The following NCL variants were observed in gnomAD, a reference collection of about 807,000 sequenced individuals.
The protein encoded by NCL is nucleolin multifunctional protein.
NCL carries 4 observed loss-of-function variants against 77.7 expected under a neutral mutation model. That is an observed-to-expected ratio of 0.05 (90% CI 0.03 to 0.12). The LOEUF is 0.12. Ranked by LOEUF, NCL falls within the 10% of genes least tolerant of loss-of-function variation. The pLI, the probability that NCL is intolerant of heterozygous loss-of-function variation, is 1.00. For synonymous variants in NCL, 344 were observed against 297.8 expected, an observed-to-expected ratio of 1.16 and a Z score of -1.60; for missense variants, 763 against 860.9, an observed-to-expected ratio of 0.89 and a Z score of 1.42.
intron 6 of NCL, among the ~76,000 whole-genome samples, chr2:231,459,661 C>T (rs907264142): frequency 2.6e-5 from 4 of 152,008 alleles, no homozygotes; most frequent in African/African-American, 9.7e-5. Flanking sequence ...AATCCCAGCA[C>T]TTCGAGAGGC....
chr2:231,454,177 G>T lies in NCL; in HGVS notation c.*1014C>A, dbSNP rs1004595372. On this transcript the variant is annotated 3_prime_UTR_variant, in exon 14 of 14. Coordinates refer to ENST00000322723, the MANE Select transcript of NCL (RefSeq NM_005381.3). The stretch of plus-strand genomic sequence containing the variant: ...TCCAGAACTGCTTTTTGGGAGATGG[G>T]AGTCTCGCTTTGTTACCCAGCCTGG... 1 of 152,230 alleles carries T rather than the reference G, an allele frequency of 6.6e-6. No individual in the cohort carries two copies. The highest frequency in any genetic ancestry group is 1.5e-5 in the Non-Finnish European group (1 of 68,096). 9.4% of individuals were successfully genotyped at this position (152,230 alleles called of 1,614,324 possible).
Position 231,463,252 on chromosome 2 carries a change from C to G in NCL, c.83G>C (p.Ser28Thr). The G allele has an allele frequency of 6.2e-7, 1 of 1,612,682 alleles. No homozygotes were observed. Among genetic ancestry groups the G allele is most frequent in the Non-Finnish European group, 8.5e-7 (1 of 1,179,788 alleles). The change falls in exon 2 of 14, where the codon AGT (serine) becomes ACT (threonine). Residue 28 changes from serine (S) to threonine (T), a missense_variant. Ser to Thr is a moderately conservative substitution (Grantham distance 58). Coordinates refer to ENST00000322723, the MANE Select transcript of NCL (RefSeq NM_005381.3). The stretch of plus-strand genomic sequence containing the variant: ...ATCTTCTGACATTTCCTCATCTTCA[C>G]TATCTTCTTCTACCTCCTTTGGAGG... Reference protein sequence around the residue: ...APPPKEVEEDSEDEEMSEDEE... With the variant: ...APPPKEVEEDTEDEEMSEDEE...
intron 2 of NCL, among the ~76,000 whole-genome samples, chr2:231,462,336 T>C (rs541393504): frequency 6.6e-6 from 1 of 152,216 alleles, no homozygotes; most frequent in Non-Finnish European, 1.5e-5. Flanking sequence ...CATCCTTACA[T>C]GTTTAAGGAT....
At chr2:231,462,434 T>C (rs548782628) in intron 2 of NCL, 96 of 415,784 alleles carry the variant, frequency 2.3e-4, no homozygotes, top group South Asian at 1.6e-3. Context: ...GCTCCTACAG[T>C]GGGTGGCGGT....
At chr2:231,462,214 C>T (rs1372669905) in intron 2 of NCL, among the ~76,000 whole-genome samples, 197 bp from the exon 3 acceptor site, 1 of 152,186 alleles carries the variant, frequency 6.6e-6, no homozygotes, top group Non-Finnish European at 1.5e-5. Flanking sequence ...AATACCCAGA[C>T]ATAAGGAACT....
intron 2 of NCL, chr2:231,462,382 C>T: frequency 2.6e-6 from 1 of 382,686 alleles, no homozygotes; most frequent in East Asian, 6.9e-5. Context: ...CAGAACCTTA[C>T]ACATAGGAGG....
chr2:231,460,769 A>G lies in NCL; in HGVS notation c.711T>C (p.Asp237=). 1 of 1,613,778 alleles carries G rather than the reference A, an allele frequency of 6.2e-7. No individual in the cohort carries two copies. Among genetic ancestry groups the G allele is most frequent in the Non-Finnish European group, 8.5e-7 (1 of 1,179,922 alleles). The stretch of plus-strand genomic sequence containing the variant: ...CCTCGTCCTCATCATCCTCTTCTTC[A>G]TCTTCATCCTCAGCCACGTTCTTGG... The part of the protein sequence containing the change: ...VKAKNVAEDE[D]EEEDDEDEDD... The change falls in exon 4 of 14, where the codon GAT becomes GAC. Residue 237 remains aspartate (D), a synonymous_variant. Transcript: ENST00000322723.
chr2:231,458,287 C>T lies in NCL; in HGVS notation c.1268G>A (p.Ser423Asn). ...FEDAAEIRLV[S>N]KDGKSKGIAY... ...ATACCCTTTACTTTTCCCATCCTTG[C>T]TGACTAATCTGATCTCCGCAGCATC... The change falls in exon 8 of 14, where the codon AGC becomes AAC. Residue 423 changes from serine (S) to asparagine (N), a missense_variant. Coordinates refer to ENST00000322723, the MANE Select transcript of NCL (RefSeq NM_005381.3). The T allele has an allele frequency of 1.2e-6, 2 of 1,613,948 alleles. No individual in the cohort carries two copies. Among genetic ancestry groups the T allele is most frequent in the Non-Finnish European group, 8.5e-7 (1 of 1,179,928 alleles).
chr2:231,460,592 CACATCA>C, intron 4 of NCL, 28 bp from the exon 5 acceptor site: 1 of 1,614,186 alleles, frequency 6.2e-7, no homozygotes, highest in East Asian at 2.2e-5. Context: ...CAATGTATCA[CACATCA>C]GTAGCCACAA....
At chr2:231,459,914 CAAAAACAACAA>C (rs2125635880) in intron 6 of NCL, among the ~76,000 whole-genome samples, 1 of 151,710 alleles carries the variant, frequency 6.6e-6, no homozygotes, top group African/African-American at 2.4e-5. Flanking sequence ...CAATACATAA[CAAAAACAACAA>C]AAAAACTTAC....
intron 2 of NCL, among the ~76,000 whole-genome samples, chr2:231,462,761 G>A (rs2046964403): frequency 6.6e-6 from 1 of 152,194 alleles, no homozygotes; most frequent in Non-Finnish European, 1.5e-5. Context: ...GTCTACACCA[G>A]AGATAACTAT....
At chr2:231,455,291 G>A (rs1253108404) in intron 13 of NCL, 24 bp from the exon 14 acceptor site, 4 of 1,613,916 alleles carry the variant, frequency 2.5e-6, no homozygotes, top group African/African-American at 2.7e-5. Context: ...GCAAGACACT[G>A]TTAAAAGAAT....
At chr2:231,462,164 CTGTTA>C in intron 2 of NCL, 147 bp from the exon 3 acceptor site, 2 of 762,746 alleles carry the variant, frequency 2.6e-6, no homozygotes, top group Non-Finnish European at 4.2e-6. Flanking sequence ...CTCCAGGCTT[CTGTTA>C]TGTTGTCTTA....
intron 2 of NCL, 164 bp from the exon 3 acceptor site, chr2:231,462,181 G>A (rs963962513): frequency 5.3e-6 from 5 of 940,518 alleles, no homozygotes; most frequent in Non-Finnish European, 8.5e-6. Context: ...GTTGTCTTAA[G>A]TCAGAGCCCC....
Position 231,463,958 on chromosome 2 carries a change from G to A in NCL, c.18+378C>T, listed in dbSNP as rs1218626176. The A allele has an allele frequency of 9.8e-6, 3 of 306,884 alleles. No homozygotes were observed. The Admixed American group carries it at 1.5e-4, about 15-fold the overall frequency. The allele number at this position is 306,884 out of a possible 1,614,324, so 19.0% of individuals were successfully genotyped here. The stretch of plus-strand genomic sequence containing the variant: ...GCCCAAGGCACCCGGTCCCTCTGGA[G>A]ATTCCAGGACCCACGCGGCGCGGCC... On this transcript the variant is annotated intron_variant, in intron 1 of 13. Coordinates refer to ENST00000322723, the MANE Select transcript of NCL (RefSeq NM_005381.3).
chr2:231,460,373 A>G, intron 5 of NCL, 80 bp from the exon 6 acceptor site: 1 of 1,593,804 alleles, frequency 6.3e-7, no homozygotes, highest in Non-Finnish European at 8.6e-7. Context: ...TATACACAGC[A>G]CATCAGCACA....
At chr2:231,460,029 C>T (rs2125635964) in intron 6 of NCL, 123 bp downstream of exon 6, 1 of 1,155,588 alleles carries the variant, frequency 8.7e-7, no homozygotes, top group East Asian at 2.4e-5. Flanking sequence ...TTCACTAATG[C>T]TAATCCTTGA....
At position 231,456,826 on chromosome 2, in the gene NCL, T is replaced by G. The variant is rs564487478; in HGVS notation, c.1572-62A>C. The G allele has an allele frequency of 3.5e-5, 56 of 1,601,430 alleles. No homozygotes were observed. In the African/African-American group the frequency reaches 6.8e-4, roughly 20 times the overall value. ...AGGCACATGCTCCTTCACTGTCACA[T>G]GATGCTGCCAAGCCCCTTCTCTCAA... On this transcript the variant is annotated intron_variant, in intron 10 of 13. Coordinates refer to ENST00000322723, the MANE Select transcript of NCL (RefSeq NM_005381.3).
intron 6 of NCL, among the ~76,000 whole-genome samples, chr2:231,459,406 CT>C (rs1429975523): frequency 6.6e-6 from 1 of 152,164 alleles, no homozygotes; most frequent in African/African-American, 2.4e-5. Flanking sequence ...CCTATAAGCA[CT>C]AATACAGGAG....
Sources: allele counts gnomAD v4.1 joint callset (sites outside exome capture counted in the v4.1 genomes callset), GRCh38; gene constraint gnomAD v4.1.1; transcripts MANE v1.5; gene names NCBI Gene and HGNC (gene_info 2026-07-23, HGNC 2026-07-21).